ZFHX3: variants seen among roughly 807,000 people sequenced by gnomAD.
ZFHX3 encodes the protein zinc finger homeobox 3, also known as zinc finger homeobox protein 3.
ZFHX3 carries 42 observed loss-of-function variants against 279.1 expected under a neutral mutation model. The observed-to-expected ratio is 0.15, with a 90% CI of 0.12 to 0.19. The LOEUF (loss-of-function observed/expected upper bound fraction) is 0.19, where lower values mean the gene tolerates loss of function less well. Among genes scored for constraint, ZFHX3 ranks in the 10% least tolerant of loss-of-function variants. ZFHX3 has a pLI of 1.00. For missense variants in ZFHX3, 4,981 were observed against 4,754.0 expected, an observed-to-expected ratio of 1.05 and a Z score of -1.40; for synonymous variants, 2,293 against 1,957.8, an observed-to-expected ratio of 1.17 and a Z score of -4.52.
chr16:73,049,634 C>G (rs900685316), upstream of ZFHX3, among the ~76,000 whole-genome samples: 7 of 152,168 alleles, frequency 4.6e-5, no homozygotes, highest in Non-Finnish European at 8.8e-5. Context: ...GGAGAAAAGA[C>G]TGCCTCCAGG....
intron 1 of ZFHX3, among the ~76,000 whole-genome samples, chr16:72,993,147 CA>C (rs995563110): frequency 1.3e-5 from 2 of 151,852 alleles, no homozygotes; most frequent in Non-Finnish European, 2.9e-5. Flanking sequence ...AACAAACAAA[CA>C]AAAAAAACAA....
At chr16:73,124,865 C>T (rs1161198658) in intron 7 of ZFHX3, among the ~76,000 whole-genome samples, 1 of 152,148 alleles carries the variant, frequency 6.6e-6, no homozygotes, top group Non-Finnish European at 1.5e-5. Context: ...AGAAATGAGT[C>T]TGTTCTGCAG....
At chr16:72,838,489 T>C (rs1433742051) in intron 4 of ZFHX3, among the ~76,000 whole-genome samples, 4 of 151,890 alleles carry the variant, frequency 2.6e-5, no homozygotes, top group Admixed American at 2.0e-4. Context: ...CTGTTACGAG[T>C]CCAAAGTGGC....
intron 1 of ZFHX3, among the ~76,000 whole-genome samples, chr16:73,816,472 T>C (rs936860002): frequency 1.2e-4 from 18 of 152,362 alleles, no homozygotes; most frequent in Middle Eastern, 3.4e-3. Flanking sequence ...CATTCATTTA[T>C]GTATCATCTG....
intron 4 of ZFHX3, among the ~76,000 whole-genome samples, chr16:73,294,537 G>A (rs1317873827): frequency 6.6e-6 from 1 of 152,222 alleles, no homozygotes; most frequent in Non-Finnish European, 1.5e-5. Context: ...GGGGCTGGGC[G>A]AGGTGGCTCA....
intron 4 of ZFHX3, among the ~76,000 whole-genome samples, chr16:73,288,942 A>G (rs1398110222): frequency 4.0e-5 from 6 of 148,568 alleles, no homozygotes; most frequent in Non-Finnish European, 5.9e-5. Flanking sequence ...GGGAAAAAAA[A>G]CCCTCTTTGT....
intron 7 of ZFHX3, chr16:72,809,406 T>C (rs1168441770): frequency 6.6e-6 from 1 of 152,190 alleles, no homozygotes; most frequent in African/African-American, 2.4e-5. Flanking sequence ...CTTCCAAGGA[T>C]GATGAGAAAG....
Position 73,548,692 on chromosome 16 carries a change from T to G in ZFHX3, c.-1546-92434A>C, listed in dbSNP as rs148299066. 9.1e-4 allele frequency among the ~76,000 whole-genome samples: 139 copies of G among 152,202 alleles called. 2 individuals are homozygous for G. Among genetic ancestry groups the G allele is most frequent in the Non-Finnish European group, 7.9e-4 (54 of 67,998 alleles). On this transcript the variant is annotated intron_variant, in intron 2 of 17. Transcript: ENST00000641206. The stretch of plus-strand genomic sequence containing the variant: ...ACAGAAACATGGTATATACAACGTA[T>G]TCACTCCACTAGAAGGTGTAAACAA...
At chr16:72,809,176 A>T (rs1007266318) in intron 7 of ZFHX3, among the ~76,000 whole-genome samples, 1 of 152,236 alleles carries the variant, frequency 6.6e-6, no homozygotes, top group African/African-American at 2.4e-5. Context: ...GTCCCTAGGG[A>T]TATATAAATG....
At chr16:73,432,259 G>GCTCT (rs200297254) in intron 3 of ZFHX3, among the ~76,000 whole-genome samples, 1 of 152,016 alleles carries the variant, frequency 6.6e-6, no homozygotes, top group African/African-American at 2.4e-5. Context: ...TGATTACAGT[G>GCTCT]CTCTCTCTCT....
chr16:73,220,421 T>C (rs573797870), intron 5 of ZFHX3, among the ~76,000 whole-genome samples: 3 of 152,192 alleles, frequency 2.0e-5, no homozygotes, highest in East Asian at 3.9e-4. Context: ...CTAGGTGAAA[T>C]GTAAACCAAT....
In ZFHX3 at chr16:72,958,148, G is replaced by C. The variant is rs758092157; in HGVS notation, c.1998C>G (p.Asn666Lys). The C allele has an allele frequency of 1.9e-6, 3 of 1,614,168 alleles. No individual in the cohort carries two copies. The highest frequency in any genetic ancestry group is 2.2e-5 in the South Asian group (2 of 91,086). The change falls in exon 2 of 10, where the codon AAC (asparagine) becomes AAG (lysine). Residue 666 changes from asparagine to lysine, a missense_variant. By Grantham distance (94) the Asn-to-Lys change is moderately conservative. Around this residue, in one of 7 missense-constraint regions of ZFHX3, gnomAD observed 1,068 missense variants for 935.2 expected, o/e 1.14. Coordinates refer to ENST00000268489, the MANE Select transcript of ZFHX3 (RefSeq NM_006885.4). ...GGHMTMMHSR[N>K]SCKTLKCPKC... The stretch of plus-strand genomic sequence containing the variant: ...TGGGGCACTTGAGTGTCTTACACGA[G>C]TTACGAGAATGCATCATGGTCATGT...
intron 3 of ZFHX3, among the ~76,000 whole-genome samples, chr16:72,900,256 G>A (rs931761098): frequency 6.6e-6 from 1 of 152,150 alleles, no homozygotes; most frequent in African/African-American, 2.4e-5. Context: ...TGGGTGAGGA[G>A]CAGGGAAGGG....
At chr16:73,214,299 G>A (rs557889254) in intron 5 of ZFHX3, among the ~76,000 whole-genome samples, 3 of 152,136 alleles carry the variant, frequency 2.0e-5, no homozygotes, top group Non-Finnish European at 4.4e-5. Flanking sequence ...TGCAGTCCAC[G>A]TTCTCCTCAT....
At chr16:72,878,240 C>T (rs1335163179) in intron 4 of ZFHX3, among the ~76,000 whole-genome samples, 1 of 152,174 alleles carries the variant, frequency 6.6e-6, no homozygotes, top group Non-Finnish European at 1.5e-5. Context: ...AAAAGTCCAG[C>T]TGACATCTAC....
chr16:73,351,220 A>G (rs1162953155), intron 3 of ZFHX3, among the ~76,000 whole-genome samples: 1 of 152,220 alleles, frequency 6.6e-6, no homozygotes, highest in East Asian at 1.9e-4. Flanking sequence ...GCCTGCTGCT[A>G]GTACTGTCCT....
chr16:72,879,908 G>A (rs567720023), intron 4 of ZFHX3, among the ~76,000 whole-genome samples: 2 of 152,348 alleles, frequency 1.3e-5, no homozygotes, highest in African/African-American at 2.4e-5. Flanking sequence ...AGGTTTCGGT[G>A]AGGGCTGTGT....
At chr16:73,872,020 A>G (rs903713409) in intron 1 of ZFHX3, among the ~76,000 whole-genome samples, 14 of 152,206 alleles carry the variant, frequency 9.2e-5, no homozygotes, top group Admixed American at 7.9e-4. Flanking sequence ...GTCTAACTGT[A>G]AGATTGTACA....
chr16:73,410,807 A>G (rs1422482034), intron 3 of ZFHX3, among the ~76,000 whole-genome samples: 2 of 152,244 alleles, frequency 1.3e-5, no homozygotes, highest in Admixed American at 1.3e-4. Context: ...AGTATAAAAC[A>G]TGTGTGTTAC....
Sources: gnomAD v4.1 joint callset for allele counts (sites outside exome capture counted in the v4.1 genomes callset) on GRCh38, gnomAD v4.1.1 for gene constraint, gnomAD v4.1.1 regional missense constraint, MANE v1.5 for transcripts, NCBI Gene and HGNC (gene_info 2026-07-23, HGNC 2026-07-21) for gene names.